JAZF1: variants seen among roughly 807,000 people sequenced by gnomAD.
The protein encoded by JAZF1 is JAZF zinc finger 1.
Under a neutral mutation model 26.4 loss-of-function variants are expected in JAZF1, and 8 were observed. That is an observed-to-expected ratio of 0.30 (90% CI 0.18 to 0.55). The LOEUF is 0.55. Among genes scored for constraint, JAZF1 ranks in the 20% least tolerant of loss-of-function variants. The probability of loss-of-function intolerance (pLI) is 0.94; values close to 1 mark genes in which losing one functional copy is unlikely to be tolerated. For synonymous variants in JAZF1, 126 were observed against 122.3 expected (o/e 1.03, Z -0.20); for missense variants, 199 against 322.0 (o/e 0.62, Z 2.92).
rs574478889 is a variant in JAZF1 at position 28,098,004 on chromosome 7, C to T, written c.115+82459G>A. On this transcript the variant is annotated intron_variant, in intron 1 of 4. Transcript: ENST00000283928. ...TGAAACTGAAGCACACAAAACGGAA[C>T]ATTTTGTCTCTAGACCCCAGAAACC... is the stretch of plus-strand genomic sequence containing the variant. Among the ~76,000 whole-genome samples the T allele has an allele frequency of 2.6e-5, 4 of 152,272 alleles. No homozygotes were observed. The East Asian group carries it at 7.7e-4, about 29-fold the overall frequency.
chr7:28,158,509 T>G (rs1783228739), intron 1 of JAZF1, among the ~76,000 whole-genome samples: 1 of 152,206 alleles, frequency 6.6e-6, no homozygotes, highest in Non-Finnish European at 1.5e-5. Flanking sequence ...TAAGCTGCTG[T>G]GTCAGGTGTC....
Position 28,180,652 on chromosome 7 carries a change from G to C in JAZF1, c.-75C>G. On this transcript the variant is annotated 5_prime_UTR_variant, in exon 1 of 5. Transcript: ENST00000283928. ...GGCGAGGGAGGGAGGGAGGCCGGGTGGGGTGAGGAGAGGAGGGGCTGGGGG... is the reference window on the plus strand; with the variant it reads ...GGCGAGGGAGGGAGGGAGGCCGGGTCGGGTGAGGAGAGGAGGGGCTGGGGG... 9.8e-6 allele frequency: 10 copies of C among 1,019,130 alleles called. No homozygotes were observed. The South Asian group carries it at 1.4e-4, about 14-fold the overall frequency. 63.1% of individuals were successfully genotyped at this position (1,019,130 alleles called of 1,614,324 possible).
At chr7:28,066,374 CA>C (rs1583540649) in intron 1 of JAZF1, among the ~76,000 whole-genome samples, 2 of 151,944 alleles carry the variant, frequency 1.3e-5, no homozygotes, top group African/African-American at 4.8e-5. Context: ...GAGGCTGAGG[CA>C]GGGGGATCAC....
At chr7:27,940,088 G>A (rs943499009) in intron 2 of JAZF1, among the ~76,000 whole-genome samples, 2 of 152,112 alleles carry the variant, frequency 1.3e-5, no homozygotes, top group Admixed American at 6.5e-5. Context: ...GAAGAAACCC[G>A]GCTCCTGCCT....
chr7:28,131,875 A>G (rs1782800057), intron 1 of JAZF1, among the ~76,000 whole-genome samples: 1 of 152,242 alleles, frequency 6.6e-6, no homozygotes, highest in African/African-American at 2.4e-5. Flanking sequence ...TGTATTATTT[A>G]GAAGTGATTC....
At position 27,851,356 on chromosome 7, in the gene JAZF1, TACAC is replaced by T. The variant is rs1385947600; in HGVS notation, c.386-10493_386-10490del. Reference sequence around the variant, plus strand: ...TGTAAGTTTTAAAAGATCTTAAAAATACACACATCAAGGCTGGGCATGGTGGTTC... The same window carrying T: ...TGTAAGTTTTAAAAGATCTTAAAAATACATCAAGGCTGGGCATGGTGGTTC... On this transcript the variant is annotated intron_variant, in intron 3 of 4. Coordinates refer to ENST00000283928, the MANE Select transcript of JAZF1 (RefSeq NM_175061.4). Among the ~76,000 whole-genome samples the T allele has an allele frequency of 2.0e-5, 3 of 152,192 alleles. No individual in the cohort carries two copies. The East Asian group carries it at 5.8e-4, about 29-fold the overall frequency.
At chr7:27,860,068 A>G (rs1192464061) in intron 3 of JAZF1, among the ~76,000 whole-genome samples, 1 of 152,188 alleles carries the variant, frequency 6.6e-6, no homozygotes, top group African/African-American at 2.4e-5. Context: ...ACCCACTACC[A>G]AGAGGACCAT....
chr7:28,018,293 T>G (rs2128372162), intron 1 of JAZF1, among the ~76,000 whole-genome samples: 1 of 152,206 alleles, frequency 6.6e-6, no homozygotes, highest in South Asian at 2.1e-4. Flanking sequence ...CCAGTTAGTG[T>G]GGGGATGAGG....
At chr7:28,046,343 T>C (rs1253795201) in intron 1 of JAZF1, among the ~76,000 whole-genome samples, 2 of 152,220 alleles carry the variant, frequency 1.3e-5, no homozygotes, top group Non-Finnish European at 2.9e-5. Flanking sequence ...TATGCTGACA[T>C]ATGGCATCTG....
chr7:27,982,729 C>T (rs1283840450), intron 2 of JAZF1, among the ~76,000 whole-genome samples: 1 of 152,142 alleles, frequency 6.6e-6, no homozygotes, highest in African/African-American at 2.4e-5. Context: ...CCTCATACAC[C>T]TCTGAGACGA....
chr7:28,031,121 A>G (rs1341090854), intron 1 of JAZF1, among the ~76,000 whole-genome samples: 1 of 152,184 alleles, frequency 6.6e-6, no homozygotes, highest in Non-Finnish European at 1.5e-5. Flanking sequence ...AAAGCTAAAA[A>G]GACATCTATA....
Position 28,000,541 on chromosome 7 carries a change from A to G in JAZF1, c.116-8560T>C, listed in dbSNP as rs535422435. Among the ~76,000 whole-genome samples the G allele has an allele frequency of 5.0e-4, 76 of 152,232 alleles. 1 individual carries two copies. Among genetic ancestry groups the G allele is most frequent in the African/African-American group, 1.6e-3 (65 of 41,566 alleles). ...GAAGCCAGAAGGCTGGTGAGGAGAC[A>G]ACAAGAGAAGAACAACACAGAGGCT... On this transcript the variant is annotated intron_variant, in intron 1 of 4. Transcript: ENST00000283928.
intron 1 of JAZF1, among the ~76,000 whole-genome samples, chr7:28,116,117 C>T (rs2127935395): frequency 2.0e-5 from 3 of 152,312 alleles, no homozygotes; most frequent in Admixed American, 2.0e-4. Flanking sequence ...GACACCTACT[C>T]TATAGGTCAC....
At chr7:27,997,407 A>G (rs1355692290) in intron 1 of JAZF1, among the ~76,000 whole-genome samples, 2 of 152,180 alleles carry the variant, frequency 1.3e-5, no homozygotes, top group Non-Finnish European at 2.9e-5. Context: ...ACCAGTCAGG[A>G]GGATTCTTCT....
Position 27,840,964 on chromosome 7 carries a change from G to T in JAZF1, c.386-97C>A. 1.5e-6 allele frequency: 2 copies of T among 1,348,824 alleles called. No individual in the cohort carries two copies. Among genetic ancestry groups the T allele is most frequent in the Non-Finnish European group, 2.1e-6 (2 of 972,694 alleles). 83.6% of individuals were successfully genotyped at this position (1,348,824 alleles called of 1,614,324 possible). ...GGACAGGAGATGTGGCCGTGGCAGA[G>T]CAGCGCTGACGGCCCAGGGAGAGGG... is the stretch of plus-strand genomic sequence containing the variant. On this transcript the variant is annotated intron_variant, in intron 3 of 4. Transcript: ENST00000283928. This position sits in a 1 kb window ranked among gnomAD's most constrained non-coding sequence, Gnocchi z 5.1.
chr7:27,927,906 G>A (rs1784625717), intron 2 of JAZF1, among the ~76,000 whole-genome samples: 1 of 152,110 alleles, frequency 6.6e-6, no homozygotes, highest in South Asian at 2.1e-4. Flanking sequence ...ACCCTATGAT[G>A]AAAACGTCTC....
intron 1 of JAZF1, among the ~76,000 whole-genome samples, chr7:28,171,383 CA>C (rs1296883393): frequency 6.6e-6 from 1 of 152,178 alleles, no homozygotes; most frequent in Non-Finnish European, 1.5e-5. Context: ...TTTCACTGTC[CA>C]AAGTTACCTT....
intron 2 of JAZF1, among the ~76,000 whole-genome samples, chr7:27,943,780 C>T (rs1321340978): frequency 6.6e-6 from 1 of 152,174 alleles, no homozygotes; most frequent in African/African-American, 2.4e-5. Flanking sequence ...CTACAAAGCT[C>T]TTTCTCTAGA....
In JAZF1 at chr7:28,005,807, C is replaced by T. The variant is rs142256282; in HGVS notation, c.116-13826G>A. 4.2e-3 allele frequency among the ~76,000 whole-genome samples: 641 copies of T among 150,954 alleles called. 3 individuals are homozygous for T. The highest frequency in any genetic ancestry group is 0.015 in the African/African-American group (617 of 40,950). On this transcript the variant is annotated intron_variant, in intron 1 of 4. Transcript: ENST00000283928. ...CCTGGACCTTCTCAGTTATCTGGCA[C>T]TTGGCAGATGGCTCCTGACAATCTT...
Sources: gnomAD v4.1 joint callset for allele counts (sites outside exome capture counted in the v4.1 genomes callset) on GRCh38, gnomAD v4.1.1 for gene constraint, Gnocchi (gnomAD v3.1) non-coding constraint, MANE v1.5 for transcripts, NCBI Gene and HGNC (gene_info 2026-07-23, HGNC 2026-07-21) for gene names.